Variants in DNAJC1 observed in about 807,000 individuals in gnomAD.
The protein encoded by DNAJC1 is dnaJ homolog subfamily C member 1.
In DNAJC1, 58 loss-of-function variants were observed where a neutral mutation model predicts 76.6. The ratio of observed to expected loss-of-function variants is 0.76; its 90% CI spans 0.61 to 0.94. The LOEUF (loss-of-function observed/expected upper bound fraction) is 0.94, where lower values mean the gene tolerates loss of function less well. Among genes scored for constraint, DNAJC1 ranks in the 40% least tolerant of loss-of-function variants. The probability of loss-of-function intolerance (pLI) is 0.00; values close to 1 mark genes in which losing one functional copy is unlikely to be tolerated. For missense variants in DNAJC1, 689 were observed against 677.3 expected, an observed-to-expected ratio of 1.02 and a Z score of -0.19; for synonymous variants, 258 against 267.9, an observed-to-expected ratio of 0.96 and a Z score of 0.36.
At chr10:21,976,387 T>C (rs981012716) in intron 1 of DNAJC1, among the ~76,000 whole-genome samples, 1 of 152,202 alleles carries the variant, frequency 6.6e-6, no homozygotes, top group Non-Finnish European at 1.5e-5. Flanking sequence ...TGTTCAGTCG[T>C]AAACTAAGGC....
intron 9 of DNAJC1, among the ~76,000 whole-genome samples, chr10:21,777,656 G>A (rs932719894): frequency 1.3e-5 from 2 of 152,174 alleles, no homozygotes; most frequent in African/African-American, 4.8e-5. Context: ...CATATGCAGG[G>A]TTTGAAATCA....
intron 9 of DNAJC1, among the ~76,000 whole-genome samples, chr10:21,794,416 GAA>G: frequency 6.6e-6 from 1 of 152,098 alleles, no homozygotes; most frequent in East Asian, 1.9e-4. Flanking sequence ...CTAAATGAAT[GAA>G]AGACATTTCA....
At chr10:21,992,858 A>G (rs973929471) in intron 1 of DNAJC1, among the ~76,000 whole-genome samples, 13 of 152,230 alleles carry the variant, frequency 8.5e-5, no homozygotes, top group African/African-American at 3.1e-4. Context: ...ACAGATCATT[A>G]AAGTATTACT....
chr10:21,882,887 G>C (rs983107261), intron 7 of DNAJC1, among the ~76,000 whole-genome samples: 4 of 152,018 alleles, frequency 2.6e-5, no homozygotes, highest in Non-Finnish European at 5.9e-5. Context: ...ATTTTACAAA[G>C]GTGAAATATG....
At chr10:21,942,805 CAAAAAAAAA>C (rs540122534) in intron 1 of DNAJC1, among the ~76,000 whole-genome samples, 1 of 45,422 alleles carries the variant, frequency 2.2e-5, no homozygotes. Context: ...GACTCCATCT[CAAAAAAAAA>C]AAAAAAAAAA....
intron 1 of DNAJC1, among the ~76,000 whole-genome samples, chr10:21,952,493 C>A (rs1314316078): frequency 6.6e-6 from 1 of 152,094 alleles, no homozygotes; most frequent in Non-Finnish European, 1.5e-5. Flanking sequence ...CGTGGTGGCT[C>A]ATGCCTGTAA....
chr10:21,826,473 T>C (rs1398170762), intron 8 of DNAJC1, among the ~76,000 whole-genome samples: 1 of 152,146 alleles, frequency 6.6e-6, no homozygotes, highest in Non-Finnish European at 1.5e-5. Context: ...AGTCTCTTCA[T>C]GGTATCCTTT....
intron 8 of DNAJC1, among the ~76,000 whole-genome samples, chr10:21,825,973 A>G (rs974614423): frequency 6.6e-6 from 1 of 152,158 alleles, no homozygotes; most frequent in Non-Finnish European, 1.5e-5. Context: ...AGTGTGGCTC[A>G]TGCCTGTAAT....
intron 1 of DNAJC1, among the ~76,000 whole-genome samples, chr10:21,999,181 T>C (rs567476973): frequency 1.3e-5 from 2 of 152,334 alleles, no homozygotes; most frequent in South Asian, 2.1e-4. Context: ...CATTCTCTCC[T>C]GAACCCAATC....
intron 1 of DNAJC1, among the ~76,000 whole-genome samples, chr10:21,969,408 G>A (rs752785776): frequency 1.5e-4 from 23 of 152,076 alleles, no homozygotes; most frequent in Admixed American, 1.3e-4. Context: ...AGTGGCTTAC[G>A]AATTCAGCAC....
chr10:21,886,983 T>C (rs1379666106), intron 7 of DNAJC1, among the ~76,000 whole-genome samples: 1 of 152,132 alleles, frequency 6.6e-6, no homozygotes, highest in African/African-American at 2.4e-5. Context: ...ATTCTATATC[T>C]AGAAAACCCC....
intron 8 of DNAJC1, among the ~76,000 whole-genome samples, chr10:21,857,945 G>T (rs1481338696): frequency 6.6e-6 from 1 of 151,798 alleles, no homozygotes; most frequent in Non-Finnish European, 1.5e-5. Flanking sequence ...GTCTATTTGT[G>T]TAAAAAAGAT....
chr10:21,863,216 G>GA (rs936977110), intron 8 of DNAJC1, among the ~76,000 whole-genome samples: 6 of 151,666 alleles, frequency 4.0e-5, no homozygotes, highest in African/African-American at 1.2e-4. Flanking sequence ...ACACAAAACT[G>GA]AAAAAAACAG....
intron 6 of DNAJC1, among the ~76,000 whole-genome samples, chr10:21,907,556 G>T (rs1232449992): frequency 1.3e-5 from 2 of 151,818 alleles, no homozygotes; most frequent in Non-Finnish European, 2.9e-5. Context: ...TTTTTATAAG[G>T]GATTAGAGAT....
At chr10:21,770,967 C>T (rs147344848) in intron 9 of DNAJC1, among the ~76,000 whole-genome samples, 195 of 152,232 alleles carry the variant, frequency 1.3e-3, no homozygotes, top group African/African-American at 4.4e-3. Flanking sequence ...TTAAATTAGA[C>T]TTTAATTTCT....
chr10:21,961,269 T>C (rs963290250), intron 1 of DNAJC1, among the ~76,000 whole-genome samples: 1 of 152,180 alleles, frequency 6.6e-6, no homozygotes, highest in Non-Finnish European at 1.5e-5. Context: ...CAGATACTCG[T>C]ACATCATCGT....
At chr10:21,853,523 G>A (rs149235865) in intron 8 of DNAJC1, among the ~76,000 whole-genome samples, 4,502 of 151,744 alleles carry the variant, frequency 0.03, 107 homozygotes, top group Middle Eastern at 0.065. Context: ...CTTTTATTTC[G>A]GTAAAAAAAG....
chr10:21,856,383 T>C (rs1835832823), intron 8 of DNAJC1, among the ~76,000 whole-genome samples: 1 of 152,222 alleles, frequency 6.6e-6, no homozygotes, highest in Admixed American at 6.5e-5. Context: ...TCTTTGAGGA[T>C]ATTTACATCT....
intron 8 of DNAJC1, among the ~76,000 whole-genome samples, chr10:21,840,019 G>C (rs1047535152): frequency 2.0e-5 from 3 of 152,184 alleles, no homozygotes; most frequent in Non-Finnish European, 2.9e-5. Context: ...TATCTCAATA[G>C]ATGCAGAAAA....
Sources: allele counts gnomAD v4.1 joint callset (sites outside exome capture counted in the v4.1 genomes callset), GRCh38; gene constraint gnomAD v4.1.1; transcripts MANE v1.5; gene names NCBI Gene and HGNC (gene_info 2026-07-23, HGNC 2026-07-21).